The following ZNF81 variants were observed in gnomAD, a reference collection of about 807,000 sequenced individuals.
ZNF81 encodes the protein zinc finger protein 81.
ZNF81 carries 5 observed loss-of-function variants against 32.3 expected under a neutral mutation model. The observed-to-expected ratio is 0.15, with a 90% CI of 0.08 to 0.33. ZNF81 has a LOEUF of 0.33. ZNF81 is among the 10% of genes least tolerant of loss of function. ZNF81 has a pLI of 1.00. For synonymous variants in ZNF81, 163 were observed against 166.8 expected (o/e 0.98, Z 0.17); for missense variants, 379 against 479.8 (o/e 0.79, Z 1.96).
intron 2 of ZNF81, among the ~76,000 whole-genome samples, chrX:47,877,197 C>CG (rs782351316): frequency 0.066 from 7,348 of 111,174 alleles, 284 homozygotes; most frequent in African/African-American, 0.15. Context: ...AATTTGGGTG[C>CG]ACCCCCCCGC....
intron 2 of ZNF81, among the ~76,000 whole-genome samples, chrX:47,853,435 C>G (rs1316420566): frequency 8.9e-6 from 1 of 111,876 alleles, no homozygotes; most frequent in African/African-American, 3.3e-5. Context: ...CTGCCTTGGC[C>G]CCCCAAAGTG....
At chrX:47,843,460 CACACAT>C (rs1208004914) in intron 1 of ZNF81, among the ~76,000 whole-genome samples, 6 of 110,115 alleles carry the variant, frequency 5.4e-5, no homozygotes, top group Non-Finnish European at 7.6e-5. Flanking sequence ...CACACACACA[CACACAT>C]TCTTGACTCC....
chrX:47,839,648 A>C (rs782243449), intron 1 of ZNF81, among the ~76,000 whole-genome samples: 98 of 112,275 alleles, frequency 8.7e-4, no homozygotes, highest in African/African-American at 3.0e-3. Flanking sequence ...ATAAAAAAAA[A>C]CTGAAATCTG....
At chrX:47,839,559 G>A (rs1260738722) in intron 1 of ZNF81, among the ~76,000 whole-genome samples, 1 of 111,820 alleles carries the variant, frequency 8.9e-6, no homozygotes, top group Non-Finnish European at 1.9e-5. Flanking sequence ...TAGTGTACAT[G>A]AAACATAAAT....
intron 2 of ZNF81, among the ~76,000 whole-genome samples, chrX:47,851,491 T>C (rs1260794108): frequency 8.9e-6 from 1 of 112,069 alleles, no homozygotes; most frequent in Non-Finnish European, 1.9e-5. Context: ...ATTTCTCTTA[T>C]GGCTGAGGTT....
chrX:47,915,980 C>G lies in ZNF81; in HGVS notation c.1334C>G (p.Thr445Ser). 1 of 1,211,579 alleles carries G rather than the reference C, an allele frequency of 8.3e-7. No homozygotes were observed. Among genetic ancestry groups the G allele is most frequent in the South Asian group, 1.8e-5 (1 of 56,955 alleles). The change falls in exon 5 of 5, where the codon ACT (threonine) becomes AGT (serine). Residue 445 changes from threonine to serine, a missense_variant. Transcript: ENST00000338637. ...ACAGGAGAGAGGTCCTATATCTGTA[C>G]TCAATGTGGGCAGGCCTTCATCCAG... The part of the protein sequence containing the change: ...IHTGERSYIC[T>S]QCGQAFIQKA...
At chrX:47,896,618 A>G (rs2058680720) in intron 4 of ZNF81, among the ~76,000 whole-genome samples, 2 of 111,795 alleles carry the variant, frequency 1.8e-5, no homozygotes. Flanking sequence ...AATGAAATGT[A>G]TTTATTTTAA....
intron 2 of ZNF81, among the ~76,000 whole-genome samples, chrX:47,850,378 T>A (rs1468033782): frequency 2.8e-5 from 3 of 108,645 alleles, no homozygotes; most frequent in Non-Finnish European, 1.9e-5. Flanking sequence ...AAGAAAAATT[T>A]TAAAAATAGA....
At chrX:47,862,145 C>A (rs1242858051) in intron 2 of ZNF81, among the ~76,000 whole-genome samples, 1 of 111,399 alleles carries the variant, frequency 9.0e-6, no homozygotes, top group Non-Finnish European at 1.9e-5. Context: ...TGATTCCTTA[C>A]ACACTTGCAG....
intron 2 of ZNF81, among the ~76,000 whole-genome samples, chrX:47,852,599 C>T (rs1318582920): frequency 8.9e-6 from 1 of 112,388 alleles, no homozygotes; most frequent in African/African-American, 3.2e-5. Context: ...ACTCCTCATC[C>T]GTTAAAGTTT....
rs1198438683 is a variant in ZNF81, at chrX:47,918,117, G to C, written c.*1485G>C. 1 of 110,848 alleles carries C rather than the reference G, an allele frequency of 9.0e-6. No individual in the cohort carries two copies. The highest frequency in any genetic ancestry group is 1.9e-5 in the Non-Finnish European group (1 of 53,007). 9.1% of individuals were successfully genotyped at this position (110,848 alleles called of 1,213,427 possible). A position where few individuals can be genotyped will look rare whatever the true frequency, so the allele number is the denominator to read the frequency against. On this transcript the variant is annotated 3_prime_UTR_variant, in exon 5 of 5. Coordinates refer to ENST00000338637, the MANE Select transcript of ZNF81 (RefSeq NM_007137.5). The stretch of plus-strand genomic sequence containing the variant: ...GGGAAGTATCAGTTTGCTTCTTTTA[G>C]CTGCATATGATACGATACAGAAAGA...
intron 4 of ZNF81, among the ~76,000 whole-genome samples, chrX:47,907,513 T>C (rs2058724905): frequency 9.0e-6 from 1 of 111,524 alleles, no homozygotes; most frequent in Non-Finnish European, 1.9e-5. Flanking sequence ...TTTAAAAAGA[T>C]CATATTTTTA....
intron 3 of ZNF81, 55 bp from the exon 4 acceptor site, chrX:47,895,790 G>A: frequency 1.1e-6 from 1 of 935,491 alleles, no homozygotes; most frequent in Non-Finnish European, 1.5e-6. Context: ...CTTCTCCAAA[G>A]AACAAATGGA....
At chrX:47,905,120 G>A (rs2058716010) in intron 4 of ZNF81, among the ~76,000 whole-genome samples, 2 of 109,234 alleles carry the variant, frequency 1.8e-5, no homozygotes, top group African/African-American at 3.4e-5. Context: ...GCTAAATGAC[G>A]AGTTAATGGG....
intron 1 of ZNF81, among the ~76,000 whole-genome samples, chrX:47,842,021 C>T (rs2058451668): frequency 9.0e-6 from 1 of 111,626 alleles, no homozygotes; most frequent in Non-Finnish European, 1.9e-5. Flanking sequence ...TTACATTTTT[C>T]GTTTTCATTC....
chrX:47,841,407 C>G lies in ZNF81; in HGVS notation c.-164+4420C>G, dbSNP rs782667025. On this transcript the variant is annotated intron_variant, in intron 1 of 4. Transcript: ENST00000338637. The stretch of plus-strand genomic sequence containing the variant: ...GTGGTTCTCTGCACCAGTAAACTCA[C>G]GCCATCAATCCTTTCGATGTGTATG... 1.5e-5 allele frequency: 12 copies of G among 803,293 alleles called. No individual in the cohort carries two copies. The Admixed American group carries it at 2.5e-4, about 16-fold the overall frequency. The allele number at this position is 803,293 out of a possible 1,213,427, so 66.2% of individuals were successfully genotyped here.
At chrX:47,840,281 G>A (rs1411269609) in intron 1 of ZNF81, among the ~76,000 whole-genome samples, 1 of 110,026 alleles carries the variant, frequency 9.1e-6, no homozygotes, top group African/African-American at 3.3e-5. Flanking sequence ...TTCTTAGGAA[G>A]CATTATACAA....
rs375466080 is a variant in ZNF81, at chrX:47,862,384, G to A, written c.54+16063G>A. Among the ~76,000 whole-genome samples, 96 of 109,625 alleles carry A rather than the reference G, an allele frequency of 8.8e-4. No individual in the cohort carries two copies. In the South Asian group the frequency reaches 0.016, roughly 18 times the overall value. ...AAATACAAAAAAAAATTAGCCGGGC[G>A]TGGTGGCAGGTGCCTGTAATCCCAG... On this transcript the variant is annotated intron_variant, in intron 2 of 4. Coordinates refer to ENST00000338637, the MANE Select transcript of ZNF81 (RefSeq NM_007137.5).
intron 2 of ZNF81, among the ~76,000 whole-genome samples, chrX:47,848,956 T>C (rs2058482528): frequency 2.7e-5 from 3 of 112,155 alleles, no homozygotes; most frequent in Admixed American, 1.9e-4. Flanking sequence ...ATGATTAGGG[T>C]TTCTTTATGC....
Sources: allele counts gnomAD v4.1 joint callset (sites outside exome capture counted in the v4.1 genomes callset), GRCh38; gene constraint gnomAD v4.1.1; transcripts MANE v1.5; gene names NCBI Gene and HGNC (gene_info 2026-07-23, HGNC 2026-07-21).